The following ADAMTS13 variants were observed in gnomAD, a reference collection of about 807,000 sequenced individuals.
ADAMTS13 encodes the protein ADAM metallopeptidase with thrombospondin type 1 motif 13.
A neutral mutation model predicts 155.1 loss-of-function variants in ADAMTS13; 110 were observed. That is an observed-to-expected ratio of 0.71 (90% CI 0.61 to 0.83). The LOEUF (loss-of-function observed/expected upper bound fraction) is 0.83, where lower values mean the gene tolerates loss of function less well. Among genes scored for constraint, ADAMTS13 ranks in the 40% least tolerant of loss-of-function variants. The probability of loss-of-function intolerance (pLI) is 0.00; values close to 1 mark genes in which losing one functional copy is unlikely to be tolerated. For synonymous variants in ADAMTS13, 758 were observed against 756.4 expected (o/e 1.00, Z -0.03); for missense variants, 1,707 against 1,891.7 (o/e 0.90, Z 1.81).
chr9:133,440,556 G>C lies in ADAMTS13; in HGVS notation c.1968+31G>C. 2 of 1,562,160 alleles carry C rather than the reference G, an allele frequency of 1.3e-6. No homozygotes were observed. The highest frequency in any genetic ancestry group is 1.7e-6 in the Non-Finnish European group (2 of 1,150,574). On this transcript the variant is annotated intron_variant, in intron 16 of 28. Transcript: ENST00000355699. The surrounding 1 kb of genome is among the most constrained non-coding windows in gnomAD (Gnocchi z 4.3). The stretch of plus-strand genomic sequence containing the variant: ...CAGGAGAGCCTGGGGGAGGCCAGTG[G>C]GGGCTTCTTCTTGGGGGCTATGGCT...
At chr9:133,448,814 GA>G (rs1842243251) in intron 22 of ADAMTS13, 86 bp downstream of exon 22, 1 of 1,537,566 alleles carries the variant, frequency 6.5e-7, no homozygotes, top group Non-Finnish European at 8.7e-7. Flanking sequence ...GTGACCTGCG[GA>G]GGGGGGCAGG....
At position 133,430,120 on chromosome 9, in the gene ADAMTS13, G is replaced by T. The variant is rs1554786832; in HGVS notation, c.987+19G>T. The T allele has an allele frequency of 3.2e-6, 5 of 1,565,628 alleles. No individual in the cohort carries two copies. The Admixed American group carries it at 7.2e-5, about 22-fold the overall frequency. The stretch of plus-strand genomic sequence containing the variant: ...GCACCTGGTGAGTCTGCCGGCGGTG[G>T]CCTGGGATTGGCTGTGAGGTCCCTC... On this transcript the variant is annotated intron_variant, in intron 8 of 28. Transcript: ENST00000355699.
chr9:133,430,964 C>CTT (rs34092321), intron 8 of ADAMTS13, among the ~76,000 whole-genome samples: 10 of 151,346 alleles, frequency 6.6e-5, no homozygotes, highest in African/African-American at 1.7e-4. Context: ...CCCGCCAAGT[C>CTT]TTTTTTTTTA....
At chr9:133,455,582 C>A in intron 25 of ADAMTS13, 147 bp downstream of exon 25, 1 of 1,604,304 alleles carries the variant, frequency 6.2e-7, no homozygotes, top group Non-Finnish European at 8.5e-7. Flanking sequence ...GCCCGGGCCC[C>A]AGGAAAACTC....
At chr9:133,421,584 T>A (rs1839959298), upstream of ADAMTS13, among the ~76,000 whole-genome samples, 2 of 152,216 alleles carry the variant, frequency 1.3e-5, no homozygotes, top group South Asian at 4.1e-4. Flanking sequence ...GCTTTCCTGG[T>A]GTCTAGCACA....
At chr9:133,432,124 G>T (rs1400801622) in intron 8 of ADAMTS13, among the ~76,000 whole-genome samples, 2 of 152,150 alleles carry the variant, frequency 1.3e-5, no homozygotes, top group African/African-American at 4.8e-5. Context: ...AATTAGCCGG[G>T]CGTGGTGGCG....
In ADAMTS13 at chr9:133,440,409, C is replaced by G. The variant is rs28647808; in HGVS notation, c.1852C>G (p.Pro618Ala). 0.076 allele frequency: 122,540 copies of G among 1,613,908 alleles called. 5,313 individuals carry two copies. Among genetic ancestry groups the G allele is most frequent in the Non-Finnish European group, 0.089 (105,135 of 1,179,998 alleles). ...GAGCATCTCCCCTAACACCACCTAC[C>G]CCTCCCTCCTGGAGGATGGTCGTGT... The part of the protein sequence containing the change: ...KMSISPNTTY[P>A]SLLEDGRVEY... Residue 618 changes from proline (P) to alanine (A), a missense_variant, in exon 16 of 29, where the codon CCC becomes GCC. Pro to Ala is a conservative substitution (Grantham distance 27). Coordinates refer to ENST00000355699, the MANE Select transcript of ADAMTS13 (RefSeq NM_139027.6). The surrounding 1 kb of genome is among the most constrained non-coding windows in gnomAD (Gnocchi z 4.3).
At chr9:133,436,778 A>ACCCCCCCCCC in intron 11 of ADAMTS13, 51 bp from the exon 12 acceptor site, 1 of 433,948 alleles carries the variant, frequency 2.3e-6, no homozygotes, top group Non-Finnish European at 4.6e-6. Context: ...CAGTGACAAC[A>ACCCCCCCCCC]CCCGCCCCCC....
intron 13 of ADAMTS13, 105 bp downstream of exon 13, chr9:133,438,002 C>G (rs1342855145): frequency 1.3e-6 from 2 of 1,577,548 alleles, no homozygotes; most frequent in African/African-American, 2.7e-5. Context: ...GCTGCAGTGC[C>G]CTCTGCAGGG....
At position 133,440,430 on chromosome 9, in the gene ADAMTS13, C is replaced by T. The variant is rs587721043; in HGVS notation, c.1873C>T (p.Arg625Cys). 1.7e-5 allele frequency: 28 copies of T among 1,613,804 alleles called. No homozygotes were observed. The highest frequency in any genetic ancestry group is 2.7e-5 in the African/African-American group (2 of 75,042). The change falls in exon 16 of 29, where the codon CGT (arginine) becomes TGT (cysteine). Residue 625 changes from arginine (R) to cysteine (C), a missense_variant. Transcript: ENST00000355699. This position sits in a 1 kb window ranked among gnomAD's most constrained non-coding sequence, Gnocchi z 4.3. ...CTACCCCTCCCTCCTGGAGGATGGT[C>T]GTGTCGAGTACAGAGTGGCCCTCAC... ...TTYPSLLEDG[R>C]VEYRVALTED...
rs1840235360 is a variant in ADAMTS13, at chr9:133,425,704, C to T, written c.414+92C>T. 2.0e-6 allele frequency: 3 copies of T among 1,466,398 alleles called. No individual in the cohort carries two copies. Among genetic ancestry groups the T allele is most frequent in the African/African-American group, 1.4e-5 (1 of 71,396 alleles). 90.8% of individuals were successfully genotyped at this position (1,466,398 alleles called of 1,614,324 possible). A position where few individuals can be genotyped will look rare whatever the true frequency, so the allele number is the denominator to read the frequency against. On this transcript the variant is annotated intron_variant, in intron 4 of 28. Transcript: ENST00000355699. The surrounding 1 kb of genome is among the most constrained non-coding windows in gnomAD (Gnocchi z 4.6). ...CTCTTTAACCTCTTGTCCCGGATGC[C>T]CCAAGCAGCATGGATCACAGAATGC...
chr9:133,454,283 C>G, intron 23 of ADAMTS13, 132 bp from the exon 24 acceptor site: 1 of 1,122,782 alleles, frequency 8.9e-7, no homozygotes, highest in African/African-American at 1.5e-5. Flanking sequence ...AGTGGCTGCA[C>G]TTTCCATCTT....
rs1841570893 is a variant in ADAMTS13, at chr9:133,440,364, T to C, written c.1807T>C (p.Tyr603His). The change falls in exon 16 of 29, where the codon TAT becomes CAT. Residue 603 changes from tyrosine to histidine, a missense_variant. Transcript: ENST00000355699. This position sits in a 1 kb window ranked among gnomAD's most constrained non-coding sequence, Gnocchi z 4.3. ...THLAVRIGGR[Y>H]VVAGKMSISP... Reference sequence around the variant, plus strand: ...GACAGCGGTGAGGATCGGAGGGCGCTATGTCGTGGCTGGGAAGATGAGCAT... The same window carrying C: ...GACAGCGGTGAGGATCGGAGGGCGCCATGTCGTGGCTGGGAAGATGAGCAT... The C allele has an allele frequency of 6.2e-7, 1 of 1,613,968 alleles. No homozygotes were observed. The highest frequency in any genetic ancestry group is 8.5e-7 in the Non-Finnish European group (1 of 1,180,026).
chr9:133,417,964 C>G, upstream of ADAMTS13: 2 of 928,472 alleles, frequency 2.2e-6, no homozygotes, highest in South Asian at 1.7e-5. Context: ...CCGCAGGGAC[C>G]CCGTCCAGGA....
At chr9:133,423,013 T>G (rs1042653606) in intron 1 of ADAMTS13, 88 bp from the exon 2 acceptor site, 15 of 1,109,284 alleles carry the variant, frequency 1.4e-5, no homozygotes, top group Non-Finnish European at 2.0e-5. Flanking sequence ...TGGACTCAAG[T>G]GATCCTCCCA....
intron 25 of ADAMTS13, 121 bp downstream of exon 25, chr9:133,455,556 A>G: frequency 6.2e-7 from 1 of 1,608,986 alleles, no homozygotes; most frequent in Non-Finnish European, 8.5e-7. Flanking sequence ...CCGGCTCCCC[A>G]GCCTCGGCGG....
chr9:133,454,690 G>A, intron 24 of ADAMTS13, 71 bp downstream of exon 24: 1 of 1,512,150 alleles, frequency 6.6e-7, no homozygotes, highest in South Asian at 1.2e-5. Flanking sequence ...TCATGTGTGA[G>A]GGAGTCTAGG....
In ADAMTS13 at chr9:133,426,264, G is replaced by T; in HGVS notation, c.605G>T (p.Cys202Phe). The T allele has an allele frequency of 6.2e-7, 1 of 1,612,204 alleles. No homozygotes were observed. The change falls in exon 6 of 29, where the codon TGC (cysteine) becomes TTC (phenylalanine). Residue 202 changes from cysteine to phenylalanine, a missense_variant. Cys to Phe is a radical substitution (Grantham distance 205). Around this residue, in one of 3 missense-constraint regions of ADAMTS13, gnomAD observed 733 missense variants for 749.6 expected, o/e 0.98. Transcript: ENST00000355699. ...VRGVTQLGGA[C>F]SPTWSCLITE... ...GGCGTCACCCAGCTGGGCGGTGCCTGCTCCCCAACCTGGAGCTGCCTCATT... is the reference window on the plus strand; with the variant it reads ...GGCGTCACCCAGCTGGGCGGTGCCTTCTCCCCAACCTGGAGCTGCCTCATT...
Position 133,445,563 on chromosome 9 carries a change from G to A in ADAMTS13, c.2611-136G>A, listed in dbSNP as rs782522266. On this transcript the variant is annotated intron_variant, in intron 20 of 28. Coordinates refer to ENST00000355699, the MANE Select transcript of ADAMTS13 (RefSeq NM_139027.6). The surrounding 1 kb of genome is among the most constrained non-coding windows in gnomAD (Gnocchi z 5.0). Reference sequence around the variant, plus strand: ...GAGACCGGGGAGCCGATCTCGCCAAGGGAGGAGGGGAGGGAGCCCCTGGTG... The same window carrying A: ...GAGACCGGGGAGCCGATCTCGCCAAAGGAGGAGGGGAGGGAGCCCCTGGTG... 5.0e-6 allele frequency: 7 copies of A among 1,387,922 alleles called. No homozygotes were observed. Among genetic ancestry groups the A allele is most frequent in the South Asian group, 1.2e-5 (1 of 82,526 alleles). The allele number at this position is 1,387,922 out of a possible 1,614,324, so 86.0% of individuals were successfully genotyped here.
Sources: allele counts gnomAD v4.1 joint callset (sites outside exome capture counted in the v4.1 genomes callset), GRCh38; gene constraint gnomAD v4.1.1; regional missense constraint gnomAD v4.1.1; non-coding constraint Gnocchi (gnomAD v3.1); transcripts MANE v1.5; gene names NCBI Gene and HGNC (gene_info 2026-07-23, HGNC 2026-07-21).